Variants in SEMA3A observed in about 807,000 individuals in gnomAD.
The protein encoded by SEMA3A is semaphorin 3A.
A neutral mutation model predicts 97.9 loss-of-function variants in SEMA3A; 29 were observed. The observed-to-expected ratio is 0.30, with a 90% CI of 0.22 to 0.40. SEMA3A has a LOEUF of 0.40. Ranked by LOEUF, SEMA3A falls within the 10% of genes least tolerant of loss-of-function variation. The probability of loss-of-function intolerance (pLI) is 1.00; values close to 1 mark genes in which losing one functional copy is unlikely to be tolerated. For synonymous variants in SEMA3A, 321 were observed against 323.7 expected (o/e 0.99, Z 0.09); for missense variants, 763 against 951.3 (o/e 0.80, Z 2.60).
intron 1 of SEMA3A, among the ~76,000 whole-genome samples, chr7:84,190,722 A>G (rs547870600): frequency 6.8e-6 from 1 of 147,568 alleles, no homozygotes; most frequent in East Asian, 2.0e-4. Context: ...ATATATGTAT[A>G]TATATAATAT....
At chr7:83,993,168 T>A (rs1484877149) in intron 12 of SEMA3A, among the ~76,000 whole-genome samples, 7 of 136,348 alleles carry the variant, frequency 5.1e-5, no homozygotes, top group Non-Finnish European at 1.1e-4. Context: ...TCCATTTGCT[T>A]GGTAGATCTT....
At chr7:84,206,072 C>T (rs1313817676) in intron 3 of SEMA3A, among the ~76,000 whole-genome samples, 1 of 152,132 alleles carries the variant, frequency 6.6e-6, no homozygotes, top group African/African-American at 2.4e-5. Flanking sequence ...CTTCAGCTAT[C>T]TAACAGTGAC....
At chr7:84,464,880 T>C (rs1805951185) in intron 1 of SEMA3A, among the ~76,000 whole-genome samples, 1 of 152,188 alleles carries the variant, frequency 6.6e-6, no homozygotes, top group Admixed American at 6.5e-5. Flanking sequence ...CATGTATTCC[T>C]ATCAGTGTAA....
At chr7:84,477,861 T>G (rs139101043) in intron 1 of SEMA3A, among the ~76,000 whole-genome samples, 2 of 152,336 alleles carry the variant, frequency 1.3e-5, no homozygotes, top group Admixed American at 6.5e-5. Flanking sequence ...TTTGTTGATT[T>G]TCAAAACACA....
intron 2 of SEMA3A, among the ~76,000 whole-genome samples, chr7:84,357,643 A>G (rs1802599993): frequency 1.3e-5 from 2 of 152,184 alleles, no homozygotes; most frequent in South Asian, 4.1e-4. Flanking sequence ...TCCTTTGGGT[A>G]TATACCCAGT....
upstream of SEMA3A, among the ~76,000 whole-genome samples, chr7:84,198,938 G>A (rs188302997): frequency 2.6e-5 from 4 of 152,236 alleles, no homozygotes; most frequent in Non-Finnish European, 4.4e-5. Context: ...TAGAAGATAC[G>A]TATTAAAGTA....
At chr7:84,158,148 C>CTTTTTTTTTTTTT (rs1187182577) in intron 1 of SEMA3A, among the ~76,000 whole-genome samples, 2 of 82,292 alleles carry the variant, frequency 2.4e-5, no homozygotes, top group Non-Finnish European at 4.6e-5. Context: ...ACAGCTAATT[C>CTTTTTTTTTTTTT]TTTTTTTTTT....
At chr7:84,217,018 C>T (rs1584135838) in intron 3 of SEMA3A, among the ~76,000 whole-genome samples, 2 of 152,150 alleles carry the variant, frequency 1.3e-5, no homozygotes, top group African/African-American at 4.8e-5. Context: ...AAAACAGCAG[C>T]AGCATGAATG....
intron 6 of SEMA3A, among the ~76,000 whole-genome samples, chr7:84,017,934 T>G (rs2116431010): frequency 6.6e-6 from 1 of 152,242 alleles, no homozygotes; most frequent in East Asian, 1.9e-4. Context: ...CCTTTGTCCT[T>G]ACATTTAAGC....
chr7:84,265,511 T>A (rs1562878159), intron 3 of SEMA3A, among the ~76,000 whole-genome samples: 3 of 147,416 alleles, frequency 2.0e-5, no homozygotes, highest in African/African-American at 4.9e-5. Context: ...CATATATATA[T>A]AAAATATATA....
chr7:84,166,490 G>A (rs760682919), intron 1 of SEMA3A, among the ~76,000 whole-genome samples: 7 of 150,166 alleles, frequency 4.7e-5, no homozygotes, highest in Non-Finnish European at 1.0e-4. Context: ...AGAATTGCTT[G>A]AACCCAGGAG....
At chr7:84,227,355 C>A (rs1416955228) in intron 3 of SEMA3A, among the ~76,000 whole-genome samples, 1 of 151,952 alleles carries the variant, frequency 6.6e-6, no homozygotes, top group Non-Finnish European at 1.5e-5. Context: ...TTCAAACCAG[C>A]AAGCATTCAT....
intron 1 of SEMA3A, among the ~76,000 whole-genome samples, chr7:84,445,164 A>G (rs1382296597): frequency 2.0e-5 from 3 of 152,090 alleles, no homozygotes; most frequent in Admixed American, 6.6e-5. Flanking sequence ...GAAGTCACAT[A>G]TATCTTCTCT....
At chr7:84,283,679 A>C (rs1222780526) in intron 3 of SEMA3A, among the ~76,000 whole-genome samples, 1 of 152,130 alleles carries the variant, frequency 6.6e-6, no homozygotes, top group African/African-American at 2.4e-5. Flanking sequence ...ACATAGTAAA[A>C]GTGTTGTTAA....
intron 1 of SEMA3A, among the ~76,000 whole-genome samples, chr7:84,418,136 G>A (rs1804484605): frequency 6.6e-6 from 1 of 152,028 alleles, no homozygotes; most frequent in African/African-American, 2.4e-5. Flanking sequence ...AGTGGACTGG[G>A]AGAGGAAGAC....
intron 3 of SEMA3A, among the ~76,000 whole-genome samples, chr7:84,271,852 G>A (rs1800159350): frequency 6.6e-6 from 1 of 152,066 alleles, no homozygotes; most frequent in East Asian, 1.9e-4. Flanking sequence ...TATCAACCAT[G>A]TAAATATAAC....
chr7:84,068,243 A>G (rs1374875761), intron 4 of SEMA3A, among the ~76,000 whole-genome samples: 1 of 145,962 alleles, frequency 6.9e-6, no homozygotes, highest in African/African-American at 2.6e-5. Context: ...TGTACACAGG[A>G]AGGGGAATAT....
intron 15 of SEMA3A, among the ~76,000 whole-genome samples, chr7:83,967,893 A>AT (rs1403706936): frequency 1.3e-5 from 2 of 152,174 alleles, no homozygotes; most frequent in African/African-American, 4.8e-5. Context: ...AATCAGGGTA[A>AT]TTACCTTATC....
rs1562774673 is a variant in SEMA3A at position 84,091,222 on chromosome 7, GA to G, written c.453+19247del. On this transcript the variant is annotated intron_variant, in intron 4 of 16. Transcript: ENST00000265362. ...AAAGAAAGAAAGAAAGAAAAGAAAA[GA>G]AAGAAAAGAAAGAAGGAAGGAAGGA... Among the ~76,000 whole-genome samples the G allele has an allele frequency of 1.6e-3, 98 of 59,558 alleles. 8 individuals are homozygous for G. Among genetic ancestry groups the G allele is most frequent in the Admixed American group, 2.4e-3 (11 of 4,612 alleles). 39.1% of individuals were successfully genotyped at this position (59,558 alleles called of 152,430 possible).
Sources: allele counts gnomAD v4.1 joint callset (sites outside exome capture counted in the v4.1 genomes callset), GRCh38; gene constraint gnomAD v4.1.1; transcripts MANE v1.5; gene names NCBI Gene and HGNC (gene_info 2026-07-23, HGNC 2026-07-21).